The following PDCD2L variants were observed in gnomAD, a reference collection of about 807,000 sequenced individuals.
The protein encoded by PDCD2L is programmed cell death 2 like, also known as uS5 assembly chaperone PDCD2L.
Under a neutral mutation model 40.4 loss-of-function variants are expected in PDCD2L, and 44 were observed. The observed-to-expected ratio is 1.09, with a 90% CI of 0.86 to 1.40. The LOEUF (loss-of-function observed/expected upper bound fraction) is 1.40, where lower values mean the gene tolerates loss of function less well. PDCD2L is among the 40% of genes most tolerant of loss of function. PDCD2L has a pLI of 0.00. For synonymous variants in PDCD2L, 194 were observed against 174.6 expected (o/e 1.11, Z -0.88); for missense variants, 470 against 453.7 (o/e 1.04, Z -0.33).
chr19:34,423,557 C>G (rs1206905756), intron 6 of PDCD2L, among the ~76,000 whole-genome samples: 1 of 143,162 alleles, frequency 7.0e-6, no homozygotes, highest in Non-Finnish European at 1.5e-5. Context: ...TACAGTGGCA[C>G]TATCTCGGCT....
chr19:34,409,351 ATCCTGTGCCTCCTGGGCTGCCGCTCT>A lies in PDCD2L; in HGVS notation c.533_558del (p.Val178AlafsTer9), dbSNP rs1475592486. 1 of 1,613,790 alleles carries A rather than the reference ATCCTGTGCCTCCTGGGCTGCCGCTCT, an allele frequency of 6.2e-7. No homozygotes were observed. Among genetic ancestry groups the A allele is most frequent in the Non-Finnish European group, 8.5e-7 (1 of 1,179,978 alleles). On this transcript the variant is annotated frameshift_variant, in exon 4 of 7. Coordinates refer to ENST00000246535, the MANE Select transcript of PDCD2L (RefSeq NM_032346.2). LOFTEE classifies it high-confidence loss of function. ...CAGGATGCTGTCCTGGGTGCTGCCCATCCTGTGCCTCCTGGGCTGCCGCTCTTCCTGCCCTACTACATCTGTGTTGC... is the reference window on the plus strand; with the variant it reads ...CAGGATGCTGTCCTGGGTGCTGCCCATCCTGCCCTACTACATCTGTGTTGC...
intron 5 of PDCD2L, among the ~76,000 whole-genome samples, chr19:34,420,769 G>A (rs1209604537): frequency 6.8e-6 from 1 of 148,142 alleles, no homozygotes; most frequent in Non-Finnish European, 1.5e-5. Flanking sequence ...TCCAGCCTGG[G>A]CAACAGAAAA....
rs2075089618 is a variant in PDCD2L at position 34,409,034 on chromosome 19, G to C, written c.337-127G>C. The C allele has an allele frequency of 5.3e-6, 4 of 761,160 alleles. No individual in the cohort carries two copies. In the East Asian group the frequency reaches 1.0e-4, roughly 19 times the overall value. The allele number at this position is 761,160 out of a possible 1,614,324, so 47.2% of individuals were successfully genotyped here. A position where few individuals can be genotyped will look rare whatever the true frequency, so the allele number is the denominator to read the frequency against. ...AGGGTCTAGAAAGTTTGATTGGAGT[G>C]TACCAGAGGGGAAGGGGATGGTGTG... On this transcript the variant is annotated intron_variant, in intron 3 of 6. Transcript: ENST00000246535.
At chr19:34,420,598 G>A (rs2075145998) in intron 5 of PDCD2L, among the ~76,000 whole-genome samples, 1 of 151,678 alleles carries the variant, frequency 6.6e-6, no homozygotes, top group Admixed American at 6.6e-5. Context: ...GACCAGTCTG[G>A]GCATTATAGC....
At chr19:34,419,683 T>G (rs1422901548) in intron 5 of PDCD2L, among the ~76,000 whole-genome samples, 1 of 151,650 alleles carries the variant, frequency 6.6e-6, no homozygotes, top group Non-Finnish European at 1.5e-5. Flanking sequence ...TCTGTATTCC[T>G]TTTATTTAAC....
At chr19:34,410,226 G>C (rs186653184) in intron 4 of PDCD2L, among the ~76,000 whole-genome samples, 9 of 152,282 alleles carry the variant, frequency 5.9e-5, no homozygotes. Context: ...TTCCCAAGTA[G>C]CTGGGAGTAC....
chr19:34,411,959 A>AATCCAT (rs2075105294), intron 4 of PDCD2L, among the ~76,000 whole-genome samples: 1 of 51,002 alleles, frequency 2.0e-5, no homozygotes, highest in Non-Finnish European at 6.7e-5. Context: ...CCAGATGAAA[A>AATCCAT]ATACATATAT....
intron 3 of PDCD2L, among the ~76,000 whole-genome samples, chr19:34,405,627 G>A (rs536139199): frequency 2.0e-5 from 3 of 151,516 alleles, no homozygotes; most frequent in African/African-American, 4.8e-5. Context: ...CAGGCTGGGC[G>A]CGGTGGCTTA....
At chr19:34,421,355 C>A in intron 5 of PDCD2L, 164 bp from the exon 6 acceptor site, 1 of 767,516 alleles carries the variant, frequency 1.3e-6, no homozygotes, top group South Asian at 1.9e-5. Context: ...CGAACACTGA[C>A]AAGATTTCCA....
At chr19:34,409,622 T>G (rs1218117770) in intron 4 of PDCD2L, 112 bp downstream of exon 4, 1 of 887,704 alleles carries the variant, frequency 1.1e-6, no homozygotes, top group Non-Finnish European at 1.7e-6. Flanking sequence ...AGAACTTGTA[T>G]GTAGGACCTT....
At chr19:34,425,966 G>T (rs189360405) in intron 6 of PDCD2L, 24 bp from the exon 7 acceptor site, 14 of 1,600,262 alleles carry the variant, frequency 8.7e-6, no homozygotes, top group Non-Finnish European at 1.1e-5. Context: ...TTTGCTGGAA[G>T]CCTGAATATG....
chr19:34,416,828 T>C (rs2075128333), intron 5 of PDCD2L, among the ~76,000 whole-genome samples: 2 of 152,214 alleles, frequency 1.3e-5, no homozygotes, highest in South Asian at 2.1e-4. Flanking sequence ...CCAGAAAATA[T>C]AATCCAGCTG....
intron 6 of PDCD2L, among the ~76,000 whole-genome samples, chr19:34,424,816 C>T (rs893566314): frequency 6.9e-6 from 1 of 145,202 alleles, no homozygotes; most frequent in African/African-American, 2.5e-5. Context: ...ACAATCTCTT[C>T]TCACTGCAAC....
chr19:34,404,882 G>A, intron 2 of PDCD2L, 48 bp from the exon 3 acceptor site: 1 of 1,611,602 alleles, frequency 6.2e-7, no homozygotes, highest in East Asian at 2.2e-5. Context: ...GGGCCGGCGG[G>A]CTGGAGTCGG....
chr19:34,405,449 C>G (rs2075070179), intron 3 of PDCD2L, among the ~76,000 whole-genome samples: 1 of 150,848 alleles, frequency 6.6e-6, no homozygotes, highest in Non-Finnish European at 1.5e-5. Flanking sequence ...CCCGGCCTTT[C>G]TTAAGGTTTT....
chr19:34,417,417 G>A (rs1413820348), intron 5 of PDCD2L, among the ~76,000 whole-genome samples: 6 of 151,462 alleles, frequency 4.0e-5, no homozygotes, highest in Non-Finnish European at 7.4e-5. Flanking sequence ...AGATCAGCCT[G>A]GCCAATATGG....
intron 3 of PDCD2L, 106 bp downstream of exon 3, chr19:34,405,096 A>T: frequency 4.2e-6 from 4 of 960,764 alleles, no homozygotes; most frequent in Non-Finnish European, 5.9e-6. Flanking sequence ...AGTACACTGG[A>T]GTGTTTTTTG....
rs763543143 is a variant in PDCD2L at position 34,404,718 on chromosome 19, G to T, written c.178G>T (p.Val60Leu). ...QRCGQPLALV[V>L]QVYCPLEGSP... ...CTGCGGGCAGCCGCTCGCTCTGGTC[G>T]TGCAGGTGTATTGCCCGCTGGAAGG... Residue 60 changes from valine to leucine, a missense_variant, in exon 2 of 7, where the codon GTG becomes TTG. Physicochemically the swap from Val to Leu is conservative, Grantham distance 32. Coordinates refer to ENST00000246535, the MANE Select transcript of PDCD2L (RefSeq NM_032346.2). The T allele has an allele frequency of 3.1e-6, 5 of 1,612,258 alleles. No homozygotes were observed. The highest frequency in any genetic ancestry group is 4.5e-5 in the East Asian group (2 of 44,890).
chr19:34,417,065 G>T (rs964609102), intron 5 of PDCD2L, among the ~76,000 whole-genome samples: 1 of 152,136 alleles, frequency 6.6e-6, no homozygotes, highest in African/African-American at 2.4e-5. Context: ...AATCAGCCGA[G>T]ATCGTGCCAC....
Sources: allele counts gnomAD v4.1 joint callset (sites outside exome capture counted in the v4.1 genomes callset), GRCh38; gene constraint gnomAD v4.1.1; transcripts MANE v1.5; gene names NCBI Gene and HGNC (gene_info 2026-07-23, HGNC 2026-07-21).